Variants in TRIM62 observed in about 807,000 individuals in gnomAD.
The protein encoded by TRIM62 is tripartite motif containing 62, also known as E3 ubiquitin-protein ligase TRIM62.
TRIM62 carries 39 observed loss-of-function variants against 44.2 expected under a neutral mutation model. The ratio of observed to expected loss-of-function variants is 0.88; its 90% CI spans 0.68 to 1.15. The LOEUF is 1.15. Among genes scored for constraint, TRIM62 ranks in the 50% most tolerant of loss-of-function variants. The pLI, the probability that TRIM62 is intolerant of heterozygous loss-of-function variation, is 0.00. For missense variants in TRIM62, 544 were observed against 665.5 expected, an observed-to-expected ratio of 0.82 and a Z score of 2.01; for synonymous variants, 278 against 292.3, an observed-to-expected ratio of 0.95 and a Z score of 0.50.
rs1202884717 is a variant in TRIM62, at chr1:33,177,902, T to C, written c.408+3123A>G. Among the ~76,000 whole-genome samples, 1 of 152,216 alleles carries C rather than the reference T, an allele frequency of 6.6e-6. No homozygotes were observed. The highest frequency in any genetic ancestry group is 6.5e-5 in the Admixed American group (1 of 15,280). On this transcript the variant is annotated intron_variant, in intron 1 of 4. Coordinates refer to ENST00000291416, the MANE Select transcript of TRIM62 (RefSeq NM_018207.3). The surrounding 1 kb of genome is among the most constrained non-coding windows in gnomAD (Gnocchi z 4.1). ...TTTAATCCTAATATAATTACTTCCA[T>C]GCTGTCCATGAAGGACCCAAGGCTC...
In TRIM62 at chr1:33,181,571, A is replaced by AG. The variant is rs1645464830; in HGVS notation, c.-140dup. 7.2e-7 allele frequency: 1 copy of AG among 1,383,066 alleles called. No individual in the cohort carries two copies. The highest frequency in any genetic ancestry group is 2.7e-4 in the Middle Eastern group (1 of 3,764). 85.7% of individuals were successfully genotyped at this position (1,383,066 alleles called of 1,614,324 possible). A position where few individuals can be genotyped will look rare whatever the true frequency, so the allele number is the denominator to read the frequency against. ...AGGGGTAGGAGCTACCGGAGAAGGG[A>AG]GGGGGTGCTGTCCGGAAGGAGGGTA... On this transcript the variant is annotated 5_prime_UTR_variant, in exon 1 of 5. The change abolishes the stop of an existing upstream ORF in the 5' untranslated region. Coordinates refer to ENST00000291416, the MANE Select transcript of TRIM62 (RefSeq NM_018207.3). This position sits in a 1 kb window ranked among gnomAD's most constrained non-coding sequence, Gnocchi z 6.5.
rs1254334752 is a variant in TRIM62, at chr1:33,181,063, G to A, written c.370C>T (p.Gln124Ter). 6.3e-7 allele frequency: 1 copy of A among 1,599,134 alleles called. No individual in the cohort carries two copies. Among genetic ancestry groups the A allele is most frequent in the Admixed American group, 1.7e-5 (1 of 59,856 alleles). Residue 124 changes from glutamine to a stop codon, truncating the protein, a stop_gained, in exon 1 of 5, where the codon CAG (glutamine) becomes TAG (stop). Transcript: ENST00000291416. LOFTEE classifies it high-confidence loss of function. The surrounding 1 kb of genome is among the most constrained non-coding windows in gnomAD (Gnocchi z 6.5). ...CDEPALHEQH[Q>*]VTGIDDAFDE... ...AAGGCGTCGTCGATGCCGGTGACCTGATGCTGCTCGTGCAGTGCAGGCTCG... is the reference window on the plus strand; with the variant it reads ...AAGGCGTCGTCGATGCCGGTGACCTAATGCTGCTCGTGCAGTGCAGGCTCG...
chr1:33,158,231 AC>A, intron 4 of TRIM62, 21 bp downstream of exon 4: 1 of 1,605,316 alleles, frequency 6.2e-7, no homozygotes, highest in Non-Finnish European at 8.5e-7. Flanking sequence ...CTAGCTCTGG[AC>A]CATGATAACC....
rs1359259593 is a variant in TRIM62, at chr1:33,161,757, C to T, written c.505-1813G>A. ...GCTGCCCTCCACAGGCGCCCAGACT[C>T]CGCAGCTACTCCTCTGGCTCCTCCT... On this transcript the variant is annotated intron_variant, in intron 2 of 4. Transcript: ENST00000291416. This position sits in a 1 kb window ranked among gnomAD's most constrained non-coding sequence, Gnocchi z 4.3. 6.6e-6 allele frequency among the ~76,000 whole-genome samples: 1 copy of T among 152,164 alleles called. No individual in the cohort carries two copies. The highest frequency in any genetic ancestry group is 2.4e-5 in the African/African-American group (1 of 41,418).
rs902873886 is a variant in TRIM62 at position 33,147,111 on chromosome 1, A to G, written c.*66T>C. 5.2e-5 allele frequency: 81 copies of G among 1,555,416 alleles called. No homozygotes were observed. In the South Asian group the frequency reaches 5.4e-4, roughly 10 times the overall value. On this transcript the variant is annotated 3_prime_UTR_variant, in exon 5 of 5. Coordinates refer to ENST00000291416, the MANE Select transcript of TRIM62 (RefSeq NM_018207.3). The surrounding 1 kb of genome is among the most constrained non-coding windows in gnomAD (Gnocchi z 8.1). ...CGGTGGGCTGGAGTCCAGGTCTTCT[A>G]TCTCCTGGGCAGGGCTCTTGCAGGT...
intron 3 of TRIM62, among the ~76,000 whole-genome samples, chr1:33,158,829 GTTT>G (rs903424251): frequency 6.6e-6 from 1 of 151,444 alleles, no homozygotes; most frequent in Non-Finnish European, 1.5e-5. Flanking sequence ...CAGAGCCTCA[GTTT>G]TTTTCTTTTT....
intron 1 of TRIM62, among the ~76,000 whole-genome samples, chr1:33,172,069 A>G (rs1645379037): frequency 6.6e-6 from 1 of 152,202 alleles, no homozygotes; most frequent in Admixed American, 6.5e-5. Flanking sequence ...GGCATCAGCC[A>G]TGGCACCGGA....
intron 4 of TRIM62, among the ~76,000 whole-genome samples, chr1:33,153,441 C>T (rs1570295505): frequency 1.3e-5 from 2 of 152,320 alleles, no homozygotes; most frequent in East Asian, 3.9e-4. Context: ...CTGGCAAAGT[C>T]CAGAGACATT....
At chr1:33,171,203 A>G (rs1298486994) in intron 1 of TRIM62, among the ~76,000 whole-genome samples, 1 of 152,224 alleles carries the variant, frequency 6.6e-6, no homozygotes, top group Admixed American at 6.5e-5. Flanking sequence ...CACACAGGAA[A>G]CTGGAGCCTG....
intron 1 of TRIM62, among the ~76,000 whole-genome samples, chr1:33,178,263 G>A (rs1434167223): frequency 6.6e-6 from 1 of 152,206 alleles, no homozygotes; most frequent in Non-Finnish European, 1.5e-5. Context: ...CAGCTGCTGG[G>A]AGAGAAGGGG....
chr1:33,147,509 C>T lies in TRIM62; in HGVS notation c.1096G>A (p.Gly366Arg), dbSNP rs939350428. The T allele has an allele frequency of 3.1e-6, 5 of 1,613,396 alleles. No individual in the cohort carries two copies. Among genetic ancestry groups the T allele is most frequent in the South Asian group, 1.1e-5 (1 of 91,070 alleles). Residue 366 changes from glycine (G) to arginine (R), a missense_variant, in exon 5 of 5, where the codon GGG becomes AGG. Physicochemically the swap from Gly to Arg is moderately radical, Grantham distance 125. Coordinates refer to ENST00000291416, the MANE Select transcript of TRIM62 (RefSeq NM_018207.3). The surrounding 1 kb of genome is among the most constrained non-coding windows in gnomAD (Gnocchi z 8.1). ...CGGCTTGCGGCTTCGTGTGCCAGCCCGATCACCCACTGGGTCTTCTCCGCC... is the reference window on the plus strand; with the variant it reads ...CGGCTTGCGGCTTCGTGTGCCAGCCTGATCACCCACTGGGTCTTCTCCGCC... ...VVAEKTQWVI[G>R]LAHEAASRKG...
Position 33,161,446 on chromosome 1 carries a change from G to GT in TRIM62, c.505-1503dup, listed in dbSNP as rs1240747952. On this transcript the variant is annotated intron_variant, in intron 2 of 4. Coordinates refer to ENST00000291416, the MANE Select transcript of TRIM62 (RefSeq NM_018207.3). This position sits in a 1 kb window ranked among gnomAD's most constrained non-coding sequence, Gnocchi z 4.3. ...GGAGTCAGAAACCCCACTGTGTTCAGTGCCCAGGGCTCTGTGGGAGGCTCT... is the reference window on the plus strand; with the variant it reads ...GGAGTCAGAAACCCCACTGTGTTCAGTTGCCCAGGGCTCTGTGGGAGGCTCT... Among the ~76,000 whole-genome samples the GT allele has an allele frequency of 6.6e-6, 1 of 152,122 alleles. No individual in the cohort carries two copies. The highest frequency in any genetic ancestry group is 1.9e-4 in the East Asian group (1 of 5,188).
Position 33,146,957 on chromosome 1 carries a change from T to C in TRIM62, c.*220A>G, listed in dbSNP as rs1482398109. 1.7e-6 allele frequency: 1 copy of C among 590,996 alleles called. No homozygotes were observed. Among genetic ancestry groups the C allele is most frequent in the Non-Finnish European group, 3.0e-6 (1 of 334,218 alleles). 36.6% of individuals were successfully genotyped at this position (590,996 alleles called of 1,614,324 possible). On this transcript the variant is annotated 3_prime_UTR_variant, in exon 5 of 5. Coordinates refer to ENST00000291416, the MANE Select transcript of TRIM62 (RefSeq NM_018207.3). ...ATGTCACATCCTTGGATCAAAGCTG[T>C]ATCCCTATCAAGGTCAGAGCTACAG...
At chr1:33,180,015 C>G (rs1645448416) in intron 1 of TRIM62, among the ~76,000 whole-genome samples, 1 of 151,816 alleles carries the variant, frequency 6.6e-6, no homozygotes, top group South Asian at 2.1e-4. Flanking sequence ...TTTGTTTGAC[C>G]AGTGGAACTT....
chr1:33,154,699 G>A (rs1442713756), intron 4 of TRIM62, among the ~76,000 whole-genome samples: 1 of 151,648 alleles, frequency 6.6e-6, no homozygotes, highest in Non-Finnish European at 1.5e-5. Flanking sequence ...TTGGGAGGCC[G>A]AGGCAGGAAA....
At chr1:33,151,425 C>T (rs1427435987) in intron 4 of TRIM62, among the ~76,000 whole-genome samples, 7 of 152,124 alleles carry the variant, frequency 4.6e-5, no homozygotes, top group African/African-American at 1.7e-4. Context: ...TTGCACGAAT[C>T]ATTAACACAG....
chr1:33,162,176 C>A (rs1645277477), intron 2 of TRIM62, among the ~76,000 whole-genome samples: 1 of 152,188 alleles, frequency 6.6e-6, no homozygotes, highest in Non-Finnish European at 1.5e-5. Context: ...AGTTTAGGAA[C>A]CTTCTTTAGC....
At chr1:33,160,998 G>A (rs898338896) in intron 2 of TRIM62, among the ~76,000 whole-genome samples, 9 of 152,222 alleles carry the variant, frequency 5.9e-5, no homozygotes, top group Non-Finnish European at 2.9e-5. Flanking sequence ...GTGCCTGACA[G>A]TCTGCGTAAG....
rs1014307370 is a variant in TRIM62, at chr1:33,181,729, G to T, written c.-297C>A. The T allele has an allele frequency of 2.2e-6, 1 of 447,216 alleles. No individual in the cohort carries two copies. The highest frequency in any genetic ancestry group is 4.0e-6 in the Non-Finnish European group (1 of 251,210). 27.7% of individuals were successfully genotyped at this position (447,216 alleles called of 1,614,324 possible). On this transcript the variant is annotated 5_prime_UTR_variant, in exon 1 of 5. Coordinates refer to ENST00000291416, the MANE Select transcript of TRIM62 (RefSeq NM_018207.3). This position sits in a 1 kb window ranked among gnomAD's most constrained non-coding sequence, Gnocchi z 6.5. ...GCGGCTGAGGGACGGAGATCCTGAC[G>T]GGGAGGTTCTAGGGGGCGGGGCAGT...
Sources: allele counts gnomAD v4.1 joint callset (sites outside exome capture counted in the v4.1 genomes callset), GRCh38; gene constraint gnomAD v4.1.1; non-coding constraint Gnocchi (gnomAD v3.1); transcripts MANE v1.5; gene names NCBI Gene and HGNC (gene_info 2026-07-23, HGNC 2026-07-21).